Variants in COL9A3 observed in about 807,000 individuals in gnomAD.
COL9A3 encodes collagen type IX alpha 3 chain, also known as collagen alpha-3(IX) chain.
A neutral mutation model predicts 110.2 loss-of-function variants in COL9A3; 82 were observed. That is an observed-to-expected ratio of 0.74 (90% CI 0.62 to 0.89). COL9A3 has a LOEUF of 0.89. Ranked by LOEUF, COL9A3 falls within the 40% of genes least tolerant of loss-of-function variation. COL9A3 has a pLI of 0.00. For synonymous variants in COL9A3, 494 were observed against 403.8 expected, an observed-to-expected ratio of 1.22 and a Z score of -2.68; for missense variants, 1,066 against 981.3, an observed-to-expected ratio of 1.09 and a Z score of -1.15.
chr20:62,827,203 G>T (rs1376727699), intron 15 of COL9A3, 38 bp from the exon 16 acceptor site: 2 of 1,610,820 alleles, frequency 1.2e-6, no homozygotes, highest in Non-Finnish European at 1.7e-6. Context: ...CAACTCCATG[G>T]TGTTAACTCT....
chr20:62,825,893 A>G (rs1478756701), intron 13 of COL9A3, 23 bp downstream of exon 13: 4 of 1,556,232 alleles, frequency 2.6e-6, no homozygotes, highest in Non-Finnish European at 3.5e-6. Context: ...AGGGGTAAGG[A>G]TGGTGGGATG....
At chr20:62,834,680 G>A (rs1600808461) in intron 26 of COL9A3, among the ~76,000 whole-genome samples, 1 of 151,690 alleles carries the variant, frequency 6.6e-6, no homozygotes, top group African/African-American at 2.4e-5. Flanking sequence ...GTCTTGCTCT[G>A]TCCCCAGGCT....
rs1348757592 is a variant in COL9A3 at position 62,833,043 on chromosome 20, T to G, written c.1347T>G (p.Leu449=). The G allele has an allele frequency of 6.2e-7, 1 of 1,613,776 alleles. No individual in the cohort carries two copies. The highest frequency in any genetic ancestry group is 1.7e-5 in the Admixed American group (1 of 60,008). The change falls in exon 26 of 32, where the codon CTT becomes CTG. Residue 449 remains leucine (L), a synonymous_variant. Transcript: ENST00000649368. ...GDQGIAGSDG[L]PGDKGELGPS... ...AGGGTATTGCAGGTTCCGACGGTCT[T>G]CCTGGGGATAAAGGAGAACTGGTGA...
At chr20:62,840,452 G>A (rs1388560574) in intron 31 of COL9A3, 90 bp from the exon 32 acceptor site, 6 of 1,222,918 alleles carry the variant, frequency 4.9e-6, no homozygotes, top group Non-Finnish European at 7.2e-6. Context: ...TGAGCAGATG[G>A]AAGAGCAGGG....
chr20:62,833,892 T>TTTGTTTG (rs1555824801), intron 26 of COL9A3, among the ~76,000 whole-genome samples: 108 of 151,658 alleles, frequency 7.1e-4, no homozygotes, highest in African/African-American at 2.5e-3. Context: ...TTGTTTGTTT[T>TTTGTTTG]TTTTTGAGAT....
intron 11 of COL9A3, among the ~76,000 whole-genome samples, 200 bp from the exon 12 acceptor site, chr20:62,824,768 C>T (rs867595151): frequency 1.3e-5 from 2 of 152,218 alleles, no homozygotes; most frequent in South Asian, 4.1e-4. Context: ...CCCTGGCCCG[C>T]TCCTGACCGC....
intron 2 of COL9A3, 78 bp downstream of exon 2, chr20:62,817,713 T>A: frequency 9.9e-7 from 1 of 1,006,412 alleles, no homozygotes. Context: ...CTCCCCGGCC[T>A]GATGGAGAGA....
intron 24 of COL9A3, chr20:62,831,882 A>G: frequency 1.8e-6 from 1 of 544,272 alleles, no homozygotes; most frequent in Non-Finnish European, 3.3e-6. Flanking sequence ...ATTGTGCAGA[A>G]ACACCCGCAC....
In COL9A3 at chr20:62,828,748, C is replaced by T; in HGVS notation, c.901-16C>T. Reference sequence around the variant, plus strand: ...GGGCCACTGCCCGACGGGCCTTACTCATCCCTTGTCCCCAGGGCATGCCGG... The same window carrying T: ...GGGCCACTGCCCGACGGGCCTTACTTATCCCTTGTCCCCAGGGCATGCCGG... On this transcript the variant is annotated splice_polypyrimidine_tract_variant and intron_variant, in intron 17 of 31. Coordinates refer to ENST00000649368, the MANE Select transcript of COL9A3 (RefSeq NM_001853.4). 4 of 1,612,514 alleles carry T rather than the reference C, an allele frequency of 2.5e-6. No individual in the cohort carries two copies. The highest frequency in any genetic ancestry group is 1.3e-5 in the African/African-American group (1 of 75,064).
chr20:62,820,437 C>T (rs1438264603), intron 5 of COL9A3, among the ~76,000 whole-genome samples: 2 of 152,202 alleles, frequency 1.3e-5, no homozygotes, highest in African/African-American at 2.4e-5. Context: ...AGTACAAACC[C>T]GAAGCCAGCA....
chr20:62,835,680 A>G (rs1360845172), intron 26 of COL9A3, among the ~76,000 whole-genome samples: 1 of 152,216 alleles, frequency 6.6e-6, no homozygotes, highest in African/African-American at 2.4e-5. Context: ...AAGAGACAGC[A>G]CCGTGCAGCT....
intron 4 of COL9A3, 92 bp downstream of exon 4, chr20:62,819,385 T>C: frequency 2.3e-6 from 3 of 1,278,138 alleles, no homozygotes; most frequent in Non-Finnish European, 2.2e-6. Context: ...CAGCTGGGCC[T>C]GCTCAGGCGG....
intron 8 of COL9A3, 136 bp downstream of exon 8, chr20:62,821,946 G>A: frequency 8.0e-6 from 6 of 751,662 alleles, no homozygotes; most frequent in Admixed American, 6.0e-5. Flanking sequence ...GTTGGTAGAA[G>A]CCCTGGCCAA....
chr20:62,826,128 C>T (rs540590149), intron 13 of COL9A3, 76 bp from the exon 14 acceptor site: 7 of 1,473,452 alleles, frequency 4.8e-6, no homozygotes, highest in Admixed American at 2.0e-5. Context: ...AGGGGTACCC[C>T]GAGGGCCTTG....
chr20:62,825,892 G>A (rs1395131711), intron 13 of COL9A3, 22 bp downstream of exon 13: 1 of 1,556,260 alleles, frequency 6.4e-7, no homozygotes, highest in Non-Finnish European at 8.7e-7. Flanking sequence ...AAGGGGTAAG[G>A]ATGGTGGGAT....
At chr20:62,817,015 C>T, upstream of COL9A3, 2 of 1,128,226 alleles carry the variant, frequency 1.8e-6, no homozygotes, top group Non-Finnish European at 2.2e-6. Context: ...CCCGCCCCGC[C>T]CGCCCGCGCG....
chr20:62,825,041 G>T lies in COL9A3; in HGVS notation c.630+20G>T, dbSNP rs747634293. On this transcript the variant is annotated intron_variant, in intron 12 of 31. Coordinates refer to ENST00000649368, the MANE Select transcript of COL9A3 (RefSeq NM_001853.4). ...GAGAAGGTGAAGCTGCCGCACAGCA[G>T]CTGGGGAGGAGCTGGGGACTGGAGG... is the stretch of plus-strand genomic sequence containing the variant. The T allele has an allele frequency of 6.2e-7, 1 of 1,604,150 alleles. No individual in the cohort carries two copies. Among genetic ancestry groups the T allele is most frequent in the Non-Finnish European group, 8.5e-7 (1 of 1,177,006 alleles).
At chr20:62,839,378 A>C (rs1002847017) in intron 31 of COL9A3, among the ~76,000 whole-genome samples, 2 of 152,218 alleles carry the variant, frequency 1.3e-5, no homozygotes, top group African/African-American at 4.8e-5. Flanking sequence ...CATACGTTGA[A>C]TATTTCCATT....
At chr20:62,817,031 C>A, upstream of COL9A3, 2 of 1,200,030 alleles carry the variant, frequency 1.7e-6, no homozygotes, top group Non-Finnish European at 2.1e-6. Flanking sequence ...GCGCGCCGCC[C>A]GCCCCGACGC....
Sources: allele counts gnomAD v4.1 joint callset (sites outside exome capture counted in the v4.1 genomes callset), GRCh38; gene constraint gnomAD v4.1.1; transcripts MANE v1.5; gene names NCBI Gene and HGNC (gene_info 2026-07-23, HGNC 2026-07-21).